RANBP17: variants seen among roughly 807,000 people sequenced by gnomAD.
The protein encoded by RANBP17 is RAN binding protein 17.
Under a neutral mutation model 141.2 loss-of-function variants are expected in RANBP17, and 158 were observed. The observed-to-expected ratio is 1.12, with a 90% CI of 0.98 to 1.28. The LOEUF is 1.28. Ranked by LOEUF, RANBP17 falls within the 50% of genes most tolerant of loss-of-function variation. The probability of loss-of-function intolerance (pLI) is 0.00; values close to 1 mark genes in which losing one functional copy is unlikely to be tolerated. For synonymous variants in RANBP17, 430 were observed against 450.0 expected (o/e 0.96, Z 0.56); for missense variants, 1,438 against 1,290.7 (o/e 1.11, Z -1.75).
chr5:171,053,910 T>TAC (rs1783152836), intron 14 of RANBP17, among the ~76,000 whole-genome samples: 1 of 135,620 alleles, frequency 7.4e-6, no homozygotes, highest in Non-Finnish European at 1.6e-5. Context: ...TATATATATA[T>TAC]ATATATATAT....
intron 5 of RANBP17, chr5:170,903,854 C>A (rs566770851): frequency 2.2e-6 from 1 of 461,218 alleles, no homozygotes; most frequent in African/African-American, 2.0e-5. Flanking sequence ...TAACAAGCTC[C>A]GCAAGATTTG....
At chr5:170,911,558 C>T (rs904714052) in intron 7 of RANBP17, 5 of 728,724 alleles carry the variant, frequency 6.9e-6, no homozygotes, top group Non-Finnish European at 1.3e-5. Context: ...TCCTTAACTG[C>T]CTTAACTTTG....
chr5:170,989,685 TTAA>T (rs200618541), intron 14 of RANBP17, among the ~76,000 whole-genome samples: 1,761 of 151,920 alleles, frequency 0.012, 30 homozygotes, highest in African/African-American at 0.041. Flanking sequence ...TTTAAACATC[TTAA>T]TAATGTATTG....
At chr5:171,196,893 G>T (rs905111481) in intron 18 of RANBP17, among the ~76,000 whole-genome samples, 1 of 152,036 alleles carries the variant, frequency 6.6e-6, no homozygotes, top group Non-Finnish European at 1.5e-5. Context: ...GGGCCCAGGG[G>T]ATCCTCCTAC....
At chr5:171,281,525 G>C (rs1238382961) in intron 25 of RANBP17, among the ~76,000 whole-genome samples, 2 of 152,112 alleles carry the variant, frequency 1.3e-5, no homozygotes, top group Admixed American at 1.3e-4. Flanking sequence ...TAAATACTAA[G>C]GCTACATGAG....
At chr5:171,100,003 G>T (rs951089809) in intron 14 of RANBP17, among the ~76,000 whole-genome samples, 1 of 152,140 alleles carries the variant, frequency 6.6e-6, no homozygotes, top group Non-Finnish European at 1.5e-5. Context: ...GATTCAGTTT[G>T]CCAGTATTCT....
intron 3 of RANBP17, among the ~76,000 whole-genome samples, chr5:170,890,731 T>A (rs574407559): frequency 1.3e-5 from 2 of 152,378 alleles, no homozygotes; most frequent in East Asian, 3.9e-4. Flanking sequence ...TCTGACTTCA[T>A]GAGTCAACTA....
chr5:171,071,582 CT>C (rs531013633), intron 14 of RANBP17, among the ~76,000 whole-genome samples: 125 of 115,220 alleles, frequency 1.1e-3, no homozygotes, highest in Middle Eastern at 8.2e-3. Context: ...TTGGCAGAAG[CT>C]AAAAAGAAAT....
At chr5:171,063,110 C>G (rs1784021522) in intron 14 of RANBP17, among the ~76,000 whole-genome samples, 1 of 152,018 alleles carries the variant, frequency 6.6e-6, no homozygotes, top group South Asian at 2.1e-4. Context: ...TTTGAATTTC[C>G]TCTTATAGCT....
At chr5:170,868,803 A>T (rs1767475761) in intron 1 of RANBP17, among the ~76,000 whole-genome samples, 1 of 152,216 alleles carries the variant, frequency 6.6e-6, no homozygotes, top group Admixed American at 6.5e-5. Context: ...ATGAAAATTT[A>T]TCAGTTTACT....
At chr5:171,228,646 G>T (rs998508182) in intron 22 of RANBP17, among the ~76,000 whole-genome samples, 18 of 152,136 alleles carry the variant, frequency 1.2e-4, no homozygotes, top group African/African-American at 4.3e-4. Flanking sequence ...TTTGTGAAAG[G>T]AAGTCAATTG....
intron 12 of RANBP17, among the ~76,000 whole-genome samples, chr5:170,952,405 G>T (rs558075412): frequency 4.6e-5 from 7 of 151,958 alleles, no homozygotes; most frequent in African/African-American, 9.7e-5. Flanking sequence ...TTTTGTGAGA[G>T]AATAAAGGAT....
intron 14 of RANBP17, among the ~76,000 whole-genome samples, chr5:171,002,460 G>A (rs1017398793): frequency 2.6e-5 from 4 of 152,208 alleles, no homozygotes; most frequent in East Asian, 1.9e-4. Context: ...GAAGTAAAGC[G>A]GCCTTGAGAA....
intron 24 of RANBP17, among the ~76,000 whole-genome samples, chr5:171,264,233 G>A (rs1766522130): frequency 6.6e-6 from 1 of 152,118 alleles, no homozygotes; most frequent in Non-Finnish European, 1.5e-5. Flanking sequence ...GTGGACTCTG[G>A]GGACTCAGGT....
intron 4 of RANBP17, 135 bp from the exon 5 acceptor site, chr5:170,895,915 T>A (rs2287894): frequency 0.75 from 326,261 of 434,070 alleles, 123,545 homozygotes; most frequent in South Asian, 0.92. Context: ...TTATATTTTA[T>A]AATTTTGTTT....
intron 14 of RANBP17, among the ~76,000 whole-genome samples, chr5:171,006,484 A>G (rs1012736061): frequency 3.9e-5 from 6 of 152,146 alleles, no homozygotes; most frequent in African/African-American, 1.4e-4. Context: ...TTCTCAGCAA[A>G]CTATCGCAAG....
intron 5 of RANBP17, among the ~76,000 whole-genome samples, chr5:170,899,671 TTATTA>T (rs1428349475): frequency 6.6e-6 from 1 of 152,202 alleles, no homozygotes; most frequent in Non-Finnish European, 1.5e-5. Flanking sequence ...TAAATAGCTC[TTATTA>T]TTTTGAGATA....
At chr5:171,236,974 G>A (rs192502555) in intron 22 of RANBP17, among the ~76,000 whole-genome samples, 23 of 152,228 alleles carry the variant, frequency 1.5e-4, no homozygotes, top group Admixed American at 1.5e-3. Context: ...GTGAAAGAAA[G>A]CCATTCTTCT....
rs187533078 is a variant in RANBP17 at position 171,055,626 on chromosome 5, A to G, written c.1710+87249A>G. On this transcript the variant is annotated intron_variant, in intron 14 of 27. Transcript: ENST00000523189. ...CATGGGTTTGTACCATCAAATACCT[A>G]TGAGTTGAGCAAATTCCTCTTATCT... 4.5e-3 allele frequency among the ~76,000 whole-genome samples: 689 copies of G among 152,208 alleles called. 6 individuals carry two copies. Among genetic ancestry groups the G allele is most frequent in the Admixed American group, 0.011 (167 of 15,268 alleles).
Sources: gnomAD v4.1 joint callset for allele counts (sites outside exome capture counted in the v4.1 genomes callset) on GRCh38, gnomAD v4.1.1 for gene constraint, MANE v1.5 for transcripts, NCBI Gene and HGNC (gene_info 2026-07-23, HGNC 2026-07-21) for gene names.